Variants in OR4N2 observed in about 807,000 individuals in gnomAD.
OR4N2 encodes olfactory receptor family 4 subfamily N member 2.
For missense variants in OR4N2, 307 were observed against 377.6 expected (o/e 0.81, Z 1.55); for synonymous variants, 141 against 140.4 (o/e 1.00, Z -0.03).
chr14:19,808,732 T>C (rs1225418329), intron 1 of OR4N2, among the ~76,000 whole-genome samples: 2 of 151,664 alleles, frequency 1.3e-5, no homozygotes, highest in Non-Finnish European at 2.9e-5. Flanking sequence ...CTAAAATTCA[T>C]ACAGAGCCAA....
intron 1 of OR4N2, among the ~76,000 whole-genome samples, chr14:19,811,920 A>G (rs1231689088): frequency 1.3e-5 from 2 of 152,284 alleles, no homozygotes; most frequent in Non-Finnish European, 2.9e-5. Flanking sequence ...CACCACTTCT[A>G]TTCAACATGT....
rs1241374171 is a variant in OR4N2, at chr14:19,827,752, T to A, written c.304T>A (p.Phe102Ile). ...ISYRGCITQL[F>I]FLHFLGGGEG... ...CTACAGAGGCTGCATCACTCAGCTCTTTTTCTTGCACTTCCTTGGAGGAGG... is the reference window on the plus strand; with the variant it reads ...CTACAGAGGCTGCATCACTCAGCTCATTTTCTTGCACTTCCTTGGAGGAGG... Residue 102 changes from phenylalanine (F) to isoleucine (I), a missense_variant, in exon 2 of 2, where the codon TTT becomes ATT. Transcript: ENST00000557677. The A allele has an allele frequency of 1.2e-6, 2 of 1,614,274 alleles. No homozygotes were observed. Among genetic ancestry groups the A allele is most frequent in the South Asian group, 2.2e-5 (2 of 91,090 alleles).
chr14:19,815,468 C>T (rs921100377), intron 1 of OR4N2, among the ~76,000 whole-genome samples: 5 of 152,170 alleles, frequency 3.3e-5, no homozygotes, highest in African/African-American at 4.8e-5. Context: ...GCATAAATGT[C>T]TTCTTTTGAG....
chr14:19,826,521 T>A (rs1409601585), intron 1 of OR4N2, among the ~76,000 whole-genome samples: 3 of 152,250 alleles, frequency 2.0e-5, no homozygotes, highest in Non-Finnish European at 2.9e-5. Flanking sequence ...ATCTTTGAAA[T>A]GGAAGAATAA....
chr14:19,823,403 C>A (rs1184395840), intron 1 of OR4N2, among the ~76,000 whole-genome samples: 1 of 152,164 alleles, frequency 6.6e-6, no homozygotes, highest in East Asian at 1.9e-4. Context: ...GCAAGAATAC[C>A]ACTTAAAAGT....
At position 19,827,975 on chromosome 14, in the gene OR4N2, A is replaced by G. The variant is rs1288642537; in HGVS notation, c.527A>G (p.Asn176Ser). 1 of 1,614,046 alleles carries G rather than the reference A, an allele frequency of 6.2e-7. No homozygotes were observed. Among genetic ancestry groups the G allele is most frequent in the Non-Finnish European group, 8.5e-7 (1 of 1,180,040 alleles). ...TTTTGTGGCCCAAACCAGCTGGACA[A>G]CTTCTTCTGTGATGTCCCACAGGTC... ...LPFCGPNQLDNFFCDVPQVIK... is the reference protein window; with the variant it reads ...LPFCGPNQLDSFFCDVPQVIK... The change falls in exon 2 of 2, where the codon AAC (asparagine) becomes AGC (serine). Residue 176 changes from asparagine (N) to serine (S), a missense_variant. Transcript: ENST00000557677.
chr14:19,813,938 AT>A (rs1259952450), intron 1 of OR4N2, among the ~76,000 whole-genome samples: 1 of 148,168 alleles, frequency 6.7e-6, no homozygotes, highest in African/African-American at 2.5e-5. Context: ...ATTATTGTAA[AT>A]TTTTCTGTAC....
At chr14:19,811,230 A>C (rs1215790422) in intron 1 of OR4N2, among the ~76,000 whole-genome samples, 1 of 152,242 alleles carries the variant, frequency 6.6e-6, no homozygotes, top group Non-Finnish European at 1.5e-5. Context: ...TCTCAAAAAC[A>C]TACACATATG....
chr14:19,812,324 C>CTT (rs1879319064), intron 1 of OR4N2, among the ~76,000 whole-genome samples: 1 of 98,178 alleles, frequency 1.0e-5, no homozygotes, highest in African/African-American at 3.5e-5. Context: ...CTTTTCTTTT[C>CTT]TTTTCTTTTT....
intron 1 of OR4N2, among the ~76,000 whole-genome samples, chr14:19,814,760 T>C (rs1879383952): frequency 6.6e-6 from 1 of 152,238 alleles, no homozygotes; most frequent in Admixed American, 6.5e-5. Context: ...CCATGGTGGC[T>C]TGCTGCACCC....
At chr14:19,821,983 A>T (rs1879579188) in intron 1 of OR4N2, 1 of 152,278 alleles carries the variant, frequency 6.6e-6, no homozygotes, top group South Asian at 2.1e-4. Context: ...CTGAAGGCTT[A>T]AATTTCTGGA....
At chr14:19,822,807 AT>A (rs1359974537) in intron 1 of OR4N2, among the ~76,000 whole-genome samples, 1 of 152,256 alleles carries the variant, frequency 6.6e-6, no homozygotes, top group Non-Finnish European at 1.5e-5. Context: ...TGTTACCCCC[AT>A]CAGACCCAAA....
intron 1 of OR4N2, among the ~76,000 whole-genome samples, chr14:19,814,236 T>G (rs920328660): frequency 5.9e-5 from 9 of 152,250 alleles, no homozygotes; most frequent in Non-Finnish European, 1.3e-4. Context: ...AAAATGTTTT[T>G]CATCCTTGTT....
In OR4N2 at chr14:19,813,917, T is replaced by A. The variant is rs549523420; in HGVS notation, c.-10+10073T>A. Among the ~76,000 whole-genome samples, 3 of 151,938 alleles carry A rather than the reference T, an allele frequency of 2.0e-5. No homozygotes were observed. The East Asian group carries it at 5.8e-4, about 29-fold the overall frequency. ...AGTCTTCTTTTCCCTTTTCTCTTGA[T>A]CTTTATTTTGATTATTGTAAATTTT... On this transcript the variant is annotated intron_variant, in intron 1 of 1. Coordinates refer to ENST00000557677, the MANE Select transcript of OR4N2 (RefSeq NM_001004723.3).
intron 1 of OR4N2, among the ~76,000 whole-genome samples, chr14:19,810,438 C>G (rs540969949): frequency 9.8e-5 from 15 of 152,328 alleles, no homozygotes; most frequent in Non-Finnish European, 1.8e-4. Context: ...GGCAATTTCT[C>G]AAAGAACTTA....
At chr14:19,808,546 G>A (rs539978452) in intron 1 of OR4N2, among the ~76,000 whole-genome samples, 19 of 151,758 alleles carry the variant, frequency 1.3e-4, no homozygotes, top group East Asian at 3.9e-4. Flanking sequence ...AAAATTAATG[G>A]CAAAACACTG....
At chr14:19,805,030 T>C (rs1357669591) in intron 1 of OR4N2, among the ~76,000 whole-genome samples, 2 of 152,232 alleles carry the variant, frequency 1.3e-5, no homozygotes, top group Non-Finnish European at 2.9e-5. Flanking sequence ...CTTTTTTCTG[T>C]TTTCTTTTTG....
At chr14:19,824,381 A>G (rs77317685) in intron 1 of OR4N2, among the ~76,000 whole-genome samples, 3 of 152,252 alleles carry the variant, frequency 2.0e-5, no homozygotes, top group Non-Finnish European at 4.4e-5. Context: ...TAGAAAAATA[A>G]CAGTGAGGCT....
intron 1 of OR4N2, among the ~76,000 whole-genome samples, chr14:19,825,952 A>G (rs1879687484): frequency 1.3e-5 from 2 of 152,248 alleles, no homozygotes; most frequent in Admixed American, 6.5e-5. Flanking sequence ...GTAGGCCAGT[A>G]ATTTTCAAAC....
Sources: gnomAD v4.1 joint callset for allele counts (sites outside exome capture counted in the v4.1 genomes callset) on GRCh38, gnomAD v4.1.1 for gene constraint, MANE v1.5 for transcripts, NCBI Gene and HGNC (gene_info 2026-07-23, HGNC 2026-07-21) for gene names.